Variants in GRB10 observed in about 807,000 individuals in gnomAD.
The protein encoded by GRB10 is growth factor receptor-bound protein 10.
GRB10 carries 20 observed loss-of-function variants against 80.9 expected under a neutral mutation model. The observed-to-expected ratio is 0.25, with a 90% CI of 0.17 to 0.36. The LOEUF is 0.36. GRB10 is among the 10% of genes least tolerant of loss of function. GRB10 has a pLI of 1.00. For missense variants in GRB10, 548 were observed against 747.7 expected (o/e 0.73, Z 3.12); for synonymous variants, 291 against 291.5 (o/e 1.00, Z 0.02).
chr7:50,729,098 T>C (rs1487621875), intron 4 of GRB10, among the ~76,000 whole-genome samples: 1 of 152,228 alleles, frequency 6.6e-6, no homozygotes, highest in East Asian at 1.9e-4. Flanking sequence ...TCTTGTGGTG[T>C]CCTGGGGCTG....
chr7:50,785,438 C>A (rs954449003), upstream of GRB10, among the ~76,000 whole-genome samples: 1 of 152,252 alleles, frequency 6.6e-6, no homozygotes, highest in Admixed American at 6.5e-5. Flanking sequence ...CCTCCTCCTA[C>A]CAGGGCTCTG....
At chr7:50,791,344 C>G (rs2078907165) in intron 1 of GRB10, among the ~76,000 whole-genome samples, 1 of 152,154 alleles carries the variant, frequency 6.6e-6, no homozygotes, top group African/African-American at 2.4e-5. Context: ...GCCCCCAGAC[C>G]AGGCAATCAT....
chr7:50,640,199 T>C (rs953856447), intron 7 of GRB10, among the ~76,000 whole-genome samples: 3 of 152,238 alleles, frequency 2.0e-5, no homozygotes. Context: ...TACAGTCAGC[T>C]AGAGATTTCT....
At chr7:50,673,269 G>A (rs1035154666) in intron 6 of GRB10, among the ~76,000 whole-genome samples, 2 of 152,172 alleles carry the variant, frequency 1.3e-5, no homozygotes, top group East Asian at 3.9e-4. Context: ...CCTCCGCAAA[G>A]GCCCAGAGAG....
At chr7:50,668,507 A>G (rs79006382) in intron 7 of GRB10, among the ~76,000 whole-genome samples, 1,532 of 152,358 alleles carry the variant, frequency 0.01, 22 homozygotes, top group African/African-American at 0.035. Context: ...CACTCAGCTC[A>G]GCTGCTTACA....
At chr7:50,701,185 A>G (rs1217653027) in intron 5 of GRB10, among the ~76,000 whole-genome samples, 1 of 152,190 alleles carries the variant, frequency 6.6e-6, no homozygotes, top group Non-Finnish European at 1.5e-5. Context: ...TACAGTCAAT[A>G]CTTTAGACGC....
intron 7 of GRB10, among the ~76,000 whole-genome samples, chr7:50,632,122 CA>C (rs2054112382): frequency 6.6e-6 from 1 of 151,784 alleles, no homozygotes; most frequent in South Asian, 2.1e-4. Context: ...TTAATCTCAC[CA>C]AAAAGGAATG....
intron 4 of GRB10, 103 bp downstream of exon 4, chr7:50,732,169 A>G: frequency 4.3e-6 from 5 of 1,175,160 alleles, no homozygotes; most frequent in Non-Finnish European, 6.4e-6. Flanking sequence ...TGTCCTAGTG[A>G]CCTGAGAGCT....
chr7:50,762,780 C>G (rs763333924), intron 2 of GRB10, among the ~76,000 whole-genome samples: 3 of 152,154 alleles, frequency 2.0e-5, no homozygotes, highest in Non-Finnish European at 2.9e-5. Context: ...GAAGAAAAAA[C>G]TAACTTCTGT....
chr7:50,774,104 A>C (rs1387523171), intron 2 of GRB10, among the ~76,000 whole-genome samples: 1 of 152,246 alleles, frequency 6.6e-6, no homozygotes, highest in African/African-American at 2.4e-5. Flanking sequence ...GAAGACACTC[A>C]CAAAAACCAC....
intron 5 of GRB10, among the ~76,000 whole-genome samples, chr7:50,683,406 T>C: frequency 6.6e-6 from 1 of 152,180 alleles, no homozygotes; most frequent in East Asian, 1.9e-4. Context: ...TGCAACCATG[T>C]GAACGTTCTT....
At chr7:50,756,331 T>G (rs1562628101) in intron 2 of GRB10, among the ~76,000 whole-genome samples, 1 of 152,206 alleles carries the variant, frequency 6.6e-6, no homozygotes, top group Non-Finnish European at 1.5e-5. Flanking sequence ...CAAAGCACGC[T>G]GCCTCCAAGG....
chr7:50,773,832 C>T (rs1173111874), intron 2 of GRB10, among the ~76,000 whole-genome samples: 1 of 152,152 alleles, frequency 6.6e-6, no homozygotes, highest in East Asian at 1.9e-4. Context: ...GTAGTATATA[C>T]ATACAAGGGA....
In GRB10 at chr7:50,616,199, T is replaced by C. The variant is rs975168343; in HGVS notation, c.984+11A>G. The C allele has an allele frequency of 6.2e-6, 10 of 1,614,160 alleles. No individual in the cohort carries two copies. Among genetic ancestry groups the C allele is most frequent in the Non-Finnish European group, 8.5e-6 (10 of 1,180,024 alleles). On this transcript the variant is annotated intron_variant, in intron 11 of 18. Transcript: ENST00000401949. ...GAATTAGGGCTGGTGGTGGTAGCTT[T>C]TAAAGCTCACCTTTGAAGTTCCCTT...
intron 7 of GRB10, among the ~76,000 whole-genome samples, chr7:50,654,515 C>T (rs978689932): frequency 2.6e-5 from 4 of 152,168 alleles, no homozygotes; most frequent in African/African-American, 9.7e-5. Context: ...TGAGGTTTCT[C>T]CTCTAGAAAG....
chr7:50,674,981 C>T lies in GRB10; in HGVS notation c.140-323G>A, dbSNP rs187321865. 7.2e-3 allele frequency among the ~76,000 whole-genome samples: 1,090 copies of T among 152,260 alleles called. 17 individuals are homozygous for T. The highest frequency in any genetic ancestry group is 0.024 in the African/African-American group (987 of 41,542). On this transcript the variant is annotated intron_variant, in intron 5 of 18. Transcript: ENST00000401949. ...CTCCTCCCCACCCCCTCCGGTAGGC[C>T]GCACACAGCCACAGCTGCATAGCAC...
intron 7 of GRB10, among the ~76,000 whole-genome samples, chr7:50,653,765 A>G (rs2058297426): frequency 6.6e-6 from 1 of 152,218 alleles, no homozygotes; most frequent in South Asian, 2.1e-4. Flanking sequence ...GTCCATGACT[A>G]GCCACCCCTG....
At chr7:50,594,533 A>G (rs2046299633) in intron 18 of GRB10, among the ~76,000 whole-genome samples, 2 of 152,196 alleles carry the variant, frequency 1.3e-5, no homozygotes, top group African/African-American at 4.8e-5. Context: ...ATGCAGATTG[A>G]ATCTCTGAGA....
intron 4 of GRB10, among the ~76,000 whole-genome samples, chr7:50,725,297 G>A (rs992727032): frequency 2.0e-5 from 3 of 152,172 alleles, no homozygotes; most frequent in African/African-American, 7.2e-5. Context: ...CTCCAGCCAC[G>A]TAAGACTTGC....
Sources: allele counts gnomAD v4.1 joint callset (sites outside exome capture counted in the v4.1 genomes callset), GRCh38; gene constraint gnomAD v4.1.1; transcripts MANE v1.5; gene names NCBI Gene and HGNC (gene_info 2026-07-23, HGNC 2026-07-21).